IQCM: variants seen among roughly 807,000 people sequenced by gnomAD.
The protein encoded by IQCM is IQ domain-containing protein M.
A neutral mutation model predicts 57.6 loss-of-function variants in IQCM; 45 were observed. The ratio of observed to expected loss-of-function variants is 0.78; its 90% CI spans 0.62 to 1.00. The LOEUF is 1.00. Among genes scored for constraint, IQCM ranks in the 50% least tolerant of loss-of-function variants. The probability of loss-of-function intolerance (pLI) is 0.00; values close to 1 mark genes in which losing one functional copy is unlikely to be tolerated. For missense variants in IQCM, 468 were observed against 511.6 expected (o/e 0.91, Z 0.82); for synonymous variants, 148 against 158.9 (o/e 0.93, Z 0.51).
intron 13 of IQCM, among the ~76,000 whole-genome samples, chr4:149,402,613 CT>C (rs933700641): frequency 6.6e-6 from 1 of 151,670 alleles, no homozygotes. Context: ...AACAATGTTC[CT>C]TTTTTTGTGA....
At chr4:149,395,072 T>C (rs1331133746) in intron 13 of IQCM, among the ~76,000 whole-genome samples, 5 of 151,970 alleles carry the variant, frequency 3.3e-5, no homozygotes, top group Non-Finnish European at 1.5e-5. Context: ...TGTCCACAAA[T>C]AGATATCTAA....
At chr4:149,417,292 C>T (rs1578989772) in intron 13 of IQCM, among the ~76,000 whole-genome samples, 1 of 152,214 alleles carries the variant, frequency 6.6e-6, no homozygotes, top group East Asian at 1.9e-4. Flanking sequence ...CTTAAGAATC[C>T]TTTAGAATTC....
intron 7 of IQCM, among the ~76,000 whole-genome samples, chr4:149,661,221 G>A (rs1331671350): frequency 6.6e-6 from 1 of 152,048 alleles, no homozygotes; most frequent in Non-Finnish European, 1.5e-5. Flanking sequence ...TTATCATACA[G>A]TTTTTGTTTT....
chr4:149,659,493 A>G (rs1168166576), intron 7 of IQCM, among the ~76,000 whole-genome samples: 7 of 152,164 alleles, frequency 4.6e-5, no homozygotes, highest in Admixed American at 1.3e-4. Flanking sequence ...TAAGGATCAT[A>G]TGAAACCAAA....
chr4:149,397,795 G>T (rs1732334688), intron 13 of IQCM, among the ~76,000 whole-genome samples: 1 of 151,680 alleles, frequency 6.6e-6, no homozygotes, highest in Non-Finnish European at 1.5e-5. Flanking sequence ...CTATTGAGTT[G>T]TGGCAGTTCC....
intron 13 of IQCM, among the ~76,000 whole-genome samples, chr4:149,364,764 T>C (rs1285058792): frequency 2.0e-5 from 3 of 152,170 alleles, no homozygotes; most frequent in Non-Finnish European, 4.4e-5. Context: ...TCAGTCTGAT[T>C]ACCTACAGAA....
At chr4:149,575,385 T>C (rs944000130) in intron 9 of IQCM, among the ~76,000 whole-genome samples, 1 of 151,852 alleles carries the variant, frequency 6.6e-6, no homozygotes, top group Admixed American at 6.6e-5. Context: ...TTCCCAAGGG[T>C]TCAGTACTTC....
chr4:149,436,824 G>T (rs897485095), intron 12 of IQCM, among the ~76,000 whole-genome samples: 1 of 151,964 alleles, frequency 6.6e-6, no homozygotes, highest in Non-Finnish European at 1.5e-5. Flanking sequence ...TACCTCACCA[G>T]GCCACATATG....
At chr4:149,665,281 TC>T (rs1273902311) in intron 7 of IQCM, among the ~76,000 whole-genome samples, 1 of 152,150 alleles carries the variant, frequency 6.6e-6, no homozygotes. Flanking sequence ...CAAATTGGCT[TC>T]AGGTCCTGTG....
rs71596217 is a variant in IQCM at position 149,812,503 on chromosome 4, GAC to G, written c.-49+2806_-49+2807del. ...TCTCACACACACACACACACACACAGACACACACACACACACACACACACACT... is the reference window on the plus strand; with the variant it reads ...TCTCACACACACACACACACACACAGACACACACACACACACACACACACT... On this transcript the variant is annotated intron_variant, in intron 2 of 13. Transcript: ENST00000636793. 8.4e-3 allele frequency among the ~76,000 whole-genome samples: 1,108 copies of G among 131,788 alleles called. 6 individuals are homozygous for G. The highest frequency in any genetic ancestry group is 0.019 in the South Asian group (75 of 3,924). The allele number at this position is 131,788 out of a possible 152,430, so 86.5% of individuals were successfully genotyped here.
At chr4:149,575,430 G>A (rs550690613) in intron 9 of IQCM, among the ~76,000 whole-genome samples, 1 of 151,870 alleles carries the variant, frequency 6.6e-6, no homozygotes, top group Non-Finnish European at 1.5e-5. Context: ...AAAAATCAGA[G>A]CAGTATTCCT....
At chr4:149,385,600 A>G (rs542555505) in intron 13 of IQCM, among the ~76,000 whole-genome samples, 1 of 152,232 alleles carries the variant, frequency 6.6e-6, no homozygotes, top group African/African-American at 2.4e-5. Context: ...TGACAAATCT[A>G]TCATGCTTGA....
At chr4:149,523,484 T>C (rs1274357196) in intron 12 of IQCM, among the ~76,000 whole-genome samples, 1 of 152,042 alleles carries the variant, frequency 6.6e-6, no homozygotes, top group Non-Finnish European at 1.5e-5. Context: ...AATATATAAA[T>C]ATAAAAATAA....
chr4:149,505,385 A>T (rs1037337719), intron 12 of IQCM, among the ~76,000 whole-genome samples: 1 of 152,214 alleles, frequency 6.6e-6, no homozygotes, highest in African/African-American at 2.4e-5. Context: ...GTATTGACGA[A>T]TACTCTTAGA....
At chr4:149,704,847 T>C (rs1468588855) in intron 5 of IQCM, among the ~76,000 whole-genome samples, 1 of 151,812 alleles carries the variant, frequency 6.6e-6, no homozygotes, top group East Asian at 1.9e-4. Context: ...GATAGGCAAC[T>C]TCAGTCCATC....
At chr4:149,787,632 C>A (rs1481921562) in intron 2 of IQCM, among the ~76,000 whole-genome samples, 1 of 151,998 alleles carries the variant, frequency 6.6e-6, no homozygotes, top group Non-Finnish European at 1.5e-5. Flanking sequence ...AATTGGATAT[C>A]CATATGCAGA....
chr4:149,792,006 T>C (rs1772667990), intron 2 of IQCM, among the ~76,000 whole-genome samples: 1 of 152,132 alleles, frequency 6.6e-6, no homozygotes, highest in South Asian at 2.1e-4. Flanking sequence ...GAGACTAAAC[T>C]GATGCAAATA....
At chr4:149,672,286 G>T (rs1761363637) in intron 7 of IQCM, among the ~76,000 whole-genome samples, 1 of 152,136 alleles carries the variant, frequency 6.6e-6, no homozygotes, top group Non-Finnish European at 1.5e-5. Context: ...TTGACAGGTT[G>T]TGAGAAGAAG....
At chr4:149,754,351 G>A (rs1366324900) in intron 2 of IQCM, among the ~76,000 whole-genome samples, 1 of 152,144 alleles carries the variant, frequency 6.6e-6, no homozygotes, top group Non-Finnish European at 1.5e-5. Context: ...CTGCATCACA[G>A]CTCAATTTCT....
Sources: allele counts gnomAD v4.1 joint callset (sites outside exome capture counted in the v4.1 genomes callset), GRCh38; gene constraint gnomAD v4.1.1; transcripts MANE v1.5; gene names NCBI Gene and HGNC (gene_info 2026-07-23, HGNC 2026-07-21).